CEP85L: variants seen among roughly 807,000 people sequenced by gnomAD.
The protein encoded by CEP85L is centrosomal protein 85L.
CEP85L carries 60 observed loss-of-function variants against 100.3 expected under a neutral mutation model. The observed-to-expected ratio is 0.60, with a 90% CI of 0.49 to 0.74. The LOEUF is 0.74. Ranked by LOEUF, CEP85L falls within the 30% of genes least tolerant of loss-of-function variation. CEP85L has a pLI of 0.00. For missense variants in CEP85L, 973 were observed against 936.2 expected, an observed-to-expected ratio of 1.04 and a Z score of -0.51; for synonymous variants, 319 against 322.7, an observed-to-expected ratio of 0.99 and a Z score of 0.12.
At chr6:118,644,683 T>C (rs1434055622) in intron 1 of CEP85L, among the ~76,000 whole-genome samples, 1 of 152,204 alleles carries the variant, frequency 6.6e-6, no homozygotes, top group African/African-American at 2.4e-5. Context: ...TTTTGACTCC[T>C]CTTTCCCTTA....
chr6:118,670,404 C>T (rs1369957486), intron 1 of CEP85L, among the ~76,000 whole-genome samples: 1 of 151,840 alleles, frequency 6.6e-6, no homozygotes, highest in African/African-American at 2.4e-5. Context: ...CAAGTAGGCC[C>T]TGGTGTCTGT....
At chr6:118,542,921 A>AAAC (rs1562245163) in intron 3 of CEP85L, among the ~76,000 whole-genome samples, 8 of 150,928 alleles carry the variant, frequency 5.3e-5, no homozygotes, top group Non-Finnish European at 1.2e-4. Flanking sequence ...AAAAAAAAAA[A>AAAC]AACAGGATAT....
At chr6:118,566,512 G>T (rs141958971) in intron 2 of CEP85L, among the ~76,000 whole-genome samples, 196 bp from the exon 3 acceptor site, 2 of 152,102 alleles carry the variant, frequency 1.3e-5, no homozygotes, top group African/African-American at 4.8e-5. Flanking sequence ...CTGCCTCCTG[G>T]GTTCAAGTGA....
chr6:118,536,819 G>C (rs1327225504), intron 3 of CEP85L, among the ~76,000 whole-genome samples: 2 of 152,242 alleles, frequency 1.3e-5, no homozygotes, highest in East Asian at 3.9e-4. Flanking sequence ...TAAGGCAGAA[G>C]ACAATCCTGC....
chr6:118,706,530 A>G (rs1045349798), intron 1 of CEP85L, among the ~76,000 whole-genome samples: 5 of 152,222 alleles, frequency 3.3e-5, no homozygotes, highest in Non-Finnish European at 7.3e-5. Context: ...CATAATTTCA[A>G]CTTTTATCTT....
In CEP85L at chr6:118,602,211, C is replaced by G. The variant is rs540574218; in HGVS notation, c.232+30242G>C. Among the ~76,000 whole-genome samples, 4 of 152,256 alleles carry G rather than the reference C, an allele frequency of 2.6e-5. No homozygotes were observed. In the East Asian group the frequency reaches 7.7e-4, roughly 29 times the overall value. ...GGTAGAGAGGAGCTCAGTCAGAAAG[C>G]ACCAGTATGGTAAGGTCCATTCATA... On this transcript the variant is annotated intron_variant, in intron 2 of 12. Transcript: ENST00000368491.
chr6:118,558,124 T>C (rs1383943113), intron 3 of CEP85L, among the ~76,000 whole-genome samples: 1 of 152,160 alleles, frequency 6.6e-6, no homozygotes, highest in Non-Finnish European at 1.5e-5. Context: ...CTAATTTTTA[T>C]ATTTTTAGTA....
At chr6:118,484,802 G>C (rs1774058866) in intron 6 of CEP85L, among the ~76,000 whole-genome samples, 1 of 152,200 alleles carries the variant, frequency 6.6e-6, no homozygotes, top group Admixed American at 6.5e-5. Context: ...ATTGCTTATA[G>C]TGTACTAAAC....
chr6:118,537,667 T>A, intron 3 of CEP85L: 24 of 985,318 alleles, frequency 2.4e-5, no homozygotes, highest in Non-Finnish European at 2.9e-5. Flanking sequence ...CCAAACATGC[T>A]CCTAATAAAA....
chr6:118,704,852 T>C (rs1306754420), intron 1 of CEP85L, among the ~76,000 whole-genome samples: 2 of 152,232 alleles, frequency 1.3e-5, no homozygotes, highest in Admixed American at 6.5e-5. Flanking sequence ...CCACTGCAGA[T>C]GTTTTCTTAC....
In CEP85L at chr6:118,502,334, T is replaced by G. The variant is rs549189300; in HGVS notation, c.1257+8964A>C. 9.2e-4 allele frequency: 476 copies of G among 515,690 alleles called. 7 individuals carry two copies. The South Asian group carries it at 9.3e-3, about 10-fold the overall frequency. 31.9% of individuals were successfully genotyped at this position (515,690 alleles called of 1,614,324 possible). On this transcript the variant is annotated intron_variant, in intron 5 of 12. Coordinates refer to ENST00000368491, the MANE Select transcript of CEP85L (RefSeq NM_001042475.3). ...ATCTTCCAAGCAATTTCAGCAACCA[T>G]GAGTTTCTGGCCCCATGCCAAGATT...
At chr6:118,636,010 T>C (rs1774469571) in intron 1 of CEP85L, among the ~76,000 whole-genome samples, 3 of 152,346 alleles carry the variant, frequency 2.0e-5, no homozygotes, top group African/African-American at 7.2e-5. Context: ...AGCCAGATTG[T>C]AAATATTTTC....
intron 2 of CEP85L, among the ~76,000 whole-genome samples, chr6:118,606,184 T>C (rs1156973067): frequency 6.6e-6 from 1 of 152,166 alleles, no homozygotes; most frequent in East Asian, 1.9e-4. Context: ...AAGCTGACTT[T>C]TAACCATAGT....
At chr6:118,674,505 C>T (rs373327094) in intron 1 of CEP85L, among the ~76,000 whole-genome samples, 1 of 146,500 alleles carries the variant, frequency 6.8e-6, no homozygotes, top group East Asian at 2.0e-4. Context: ...GCCTGGGCGG[C>T]AGGGTAAGAC....
chr6:118,650,573 C>A (rs1013302879), intron 1 of CEP85L, among the ~76,000 whole-genome samples: 1 of 152,218 alleles, frequency 6.6e-6, no homozygotes, highest in African/African-American at 2.4e-5. Context: ...CCTCCTCTTA[C>A]GCCGCAGGGG....
At chr6:118,646,747 A>G (rs937189486) in intron 1 of CEP85L, among the ~76,000 whole-genome samples, 21 of 152,230 alleles carry the variant, frequency 1.4e-4, no homozygotes, top group Non-Finnish European at 2.4e-4. Flanking sequence ...TAATTAGGCT[A>G]TAACTCAGGA....
intron 2 of CEP85L, among the ~76,000 whole-genome samples, chr6:118,614,891 G>A (rs1226183907): frequency 6.6e-6 from 1 of 152,072 alleles, no homozygotes; most frequent in Non-Finnish European, 1.5e-5. Context: ...TAGATAGATA[G>A]ATAGATAGAT....
chr6:118,612,436 T>A (rs1417867088), intron 2 of CEP85L, among the ~76,000 whole-genome samples: 1 of 150,030 alleles, frequency 6.7e-6, no homozygotes, highest in East Asian at 2.0e-4. Flanking sequence ...GGCGGGTGGA[T>A]CATGAGGTCA....
intron 1 of CEP85L, among the ~76,000 whole-genome samples, chr6:118,700,864 A>C (rs1312686285): frequency 6.6e-6 from 1 of 152,228 alleles, no homozygotes; most frequent in Non-Finnish European, 1.5e-5. Context: ...ATTATGTAAC[A>C]TAGTAAGGAT....
Sources: allele counts gnomAD v4.1 joint callset (sites outside exome capture counted in the v4.1 genomes callset), GRCh38; gene constraint gnomAD v4.1.1; transcripts MANE v1.5; gene names NCBI Gene and HGNC (gene_info 2026-07-23, HGNC 2026-07-21).